The following SPAG16 variants were observed in gnomAD, a reference collection of about 807,000 sequenced individuals.
SPAG16 encodes sperm-associated antigen 16 protein.
A neutral mutation model predicts 80.4 loss-of-function variants in SPAG16; 86 were observed. That is an observed-to-expected ratio of 1.07 (90% CI 0.90 to 1.28). SPAG16 has a LOEUF of 1.28. Among genes scored for constraint, SPAG16 ranks in the 50% most tolerant of loss-of-function variants. SPAG16 has a pLI of 0.00. For missense variants in SPAG16, 870 were observed against 765.3 expected (o/e 1.14, Z -1.61); for synonymous variants, 294 against 265.9 (o/e 1.11, Z -1.03).
intron 10 of SPAG16, among the ~76,000 whole-genome samples, chr2:213,708,441 C>T (rs1467334840): frequency 3.3e-5 from 5 of 152,070 alleles, no homozygotes; most frequent in Non-Finnish European, 7.4e-5. Flanking sequence ...GTGGCTCATG[C>T]CTGTAATCCC....
rs373848184 is a variant in SPAG16 at position 214,247,193 on chromosome 2, T to C, written c.1720+97927T>C. On this transcript the variant is annotated intron_variant, in intron 15 of 15. Transcript: ENST00000331683. ...GTGAAATCTATAAAGAATGTAATCA[T>C]GTATCTCAGAAGAATCATTTGTTAA... Among the ~76,000 whole-genome samples, 11 of 152,238 alleles carry C rather than the reference T, an allele frequency of 7.2e-5. No homozygotes were observed. The South Asian group carries it at 1.2e-3, about 17-fold the overall frequency.
At chr2:213,391,970 G>C (rs1256470040) in intron 9 of SPAG16, among the ~76,000 whole-genome samples, 1 of 152,092 alleles carries the variant, frequency 6.6e-6, no homozygotes, top group African/African-American at 2.4e-5. Flanking sequence ...GTGCTTCTGT[G>C]CTCATAAAAC....
intron 10 of SPAG16, among the ~76,000 whole-genome samples, chr2:213,552,231 C>T (rs2076799962): frequency 6.6e-6 from 1 of 152,140 alleles, no homozygotes; most frequent in Non-Finnish European, 1.5e-5. Flanking sequence ...CACTCTGCGC[C>T]CCATAAATCA....
intron 10 of SPAG16, among the ~76,000 whole-genome samples, chr2:213,771,282 TC>T (rs1259891181): frequency 6.6e-6 from 1 of 152,190 alleles, no homozygotes; most frequent in African/African-American, 2.4e-5. Context: ...TCTATTCATG[TC>T]CTTTGTCCAC....
intron 1 of SPAG16, among the ~76,000 whole-genome samples, chr2:213,288,384 A>G (rs2062136255): frequency 6.6e-6 from 1 of 152,048 alleles, no homozygotes; most frequent in Non-Finnish European, 1.5e-5. Context: ...GGCTCACTGC[A>G]AGCTCTGCCT....
intron 13 of SPAG16, among the ~76,000 whole-genome samples, chr2:214,043,311 C>G (rs577735460): frequency 6.6e-6 from 1 of 152,138 alleles, no homozygotes; most frequent in Non-Finnish European, 1.5e-5. Context: ...GTTAGGACAT[C>G]TTGTGAAGTG....
chr2:213,340,743 C>G (rs2064641533), intron 6 of SPAG16, among the ~76,000 whole-genome samples: 1 of 152,056 alleles, frequency 6.6e-6, no homozygotes, highest in South Asian at 2.1e-4. Context: ...GGACATATCT[C>G]TAAATGACTA....
chr2:213,617,642 A>C (rs898772175), intron 10 of SPAG16, among the ~76,000 whole-genome samples: 1 of 152,086 alleles, frequency 6.6e-6, no homozygotes, highest in Non-Finnish European at 1.5e-5. Context: ...TGCCCGGCCC[A>C]AAATAATTTT....
intron 9 of SPAG16, among the ~76,000 whole-genome samples, chr2:213,435,225 A>G (rs986440261): frequency 1.3e-5 from 2 of 152,226 alleles, no homozygotes; most frequent in African/African-American, 2.4e-5. Flanking sequence ...TTAAAAGGAT[A>G]TGATGTCATT....
At chr2:213,580,141 C>G (rs534896454) in intron 10 of SPAG16, among the ~76,000 whole-genome samples, 4 of 152,056 alleles carry the variant, frequency 2.6e-5, no homozygotes, top group African/African-American at 9.6e-5. Flanking sequence ...GGTGCTTACC[C>G]TATACCCAGA....
chr2:213,459,258 T>TA (rs1350001998), intron 9 of SPAG16, among the ~76,000 whole-genome samples: 3 of 152,304 alleles, frequency 2.0e-5, no homozygotes, highest in African/African-American at 7.2e-5. Context: ...CATACAGTCT[T>TA]ACGTTTCATA....
intron 10 of SPAG16, among the ~76,000 whole-genome samples, chr2:213,630,633 G>A (rs2062115425): frequency 6.6e-6 from 1 of 152,130 alleles, no homozygotes; most frequent in East Asian, 1.9e-4. Context: ...TAATGAATGA[G>A]AATAAAACTG....
intron 15 of SPAG16, among the ~76,000 whole-genome samples, chr2:214,230,536 G>T (rs1426017198): frequency 1.3e-5 from 2 of 152,016 alleles, no homozygotes; most frequent in African/African-American, 2.4e-5. Flanking sequence ...GAAATATTAT[G>T]ATAGTTTAAA....
intron 10 of SPAG16, among the ~76,000 whole-genome samples, chr2:213,677,039 T>A (rs971061764): frequency 2.6e-5 from 4 of 152,102 alleles, no homozygotes; most frequent in Admixed American, 2.6e-4. Context: ...GGTAAGCTGT[T>A]GATTATTGCC....
chr2:213,435,151 A>G (rs1200464315), intron 9 of SPAG16, among the ~76,000 whole-genome samples: 1 of 152,216 alleles, frequency 6.6e-6, no homozygotes, highest in Non-Finnish European at 1.5e-5. Flanking sequence ...AGCCATAAAG[A>G]ATGAAATTGT....
chr2:213,676,588 A>G (rs2064089300), intron 10 of SPAG16, among the ~76,000 whole-genome samples: 1 of 152,164 alleles, frequency 6.6e-6, no homozygotes, highest in South Asian at 2.1e-4. Flanking sequence ...AGTTTTTAGC[A>G]TGAAGGGTTG....
intron 15 of SPAG16, among the ~76,000 whole-genome samples, chr2:214,269,662 A>G (rs1025338786): frequency 1.3e-5 from 2 of 152,120 alleles, no homozygotes; most frequent in African/African-American, 2.4e-5. Flanking sequence ...TACAACTCCA[A>G]TCTACTTATT....
At chr2:214,386,482 T>A (rs1359106048) in intron 15 of SPAG16, among the ~76,000 whole-genome samples, 1 of 152,006 alleles carries the variant, frequency 6.6e-6, no homozygotes, top group African/African-American at 2.4e-5. Context: ...CAGCTAAATA[T>A]GGAAATATGG....
intron 5 of SPAG16, among the ~76,000 whole-genome samples, chr2:213,323,004 T>C (rs1403196841): frequency 6.6e-6 from 1 of 152,164 alleles, no homozygotes. Context: ...CCAGGTGGCA[T>C]GTGAAGCTAA....
Sources: allele counts gnomAD v4.1 joint callset (sites outside exome capture counted in the v4.1 genomes callset), GRCh38; gene constraint gnomAD v4.1.1; transcripts MANE v1.5; gene names NCBI Gene and HGNC (gene_info 2026-07-23, HGNC 2026-07-21).